The following RNF212B variants were observed in gnomAD, a reference collection of about 807,000 sequenced individuals.
RNF212B encodes ring finger protein 212B, also known as E3 ubiquitin-protein ligase RNF212B.
RNF212B carries 52 observed loss-of-function variants against 55.5 expected under a neutral mutation model. That is an observed-to-expected ratio of 0.94 (90% CI 0.75 to 1.18). The LOEUF is 1.18. Ranked by LOEUF, RNF212B falls within the 50% of genes most tolerant of loss-of-function variation. RNF212B has a pLI of 0.00. For missense variants in RNF212B, 289 were observed against 350.4 expected, an observed-to-expected ratio of 0.82 and a Z score of 1.40; for synonymous variants, 99 against 121.4, an observed-to-expected ratio of 0.82 and a Z score of 1.21.
intron 3 of RNF212B, 138 bp from the exon 4 acceptor site, chr14:23,244,184 G>C: frequency 1.8e-6 from 1 of 545,132 alleles, no homozygotes; most frequent in Non-Finnish European, 3.2e-6. Context: ...ATCTAGAAGA[G>C]TGGAGATCTC....
Position 23,272,914 on chromosome 14 carries a change from T to C in RNF212B, c.*23T>C, listed in dbSNP as rs1886219863. The C allele has an allele frequency of 1.4e-6, 2 of 1,406,074 alleles. No individual in the cohort carries two copies. 87.1% of individuals were successfully genotyped at this position (1,406,074 alleles called of 1,614,324 possible). On this transcript the variant is annotated 3_prime_UTR_variant, in exon 15 of 15. Coordinates refer to ENST00000430154, the MANE Select transcript of RNF212B (RefSeq NM_001282322.3). ...TAGATCATCTTCAAGATCTGATCTA[T>C]ACATGCTGCTGAAGGATGGACTGTA...
At chr14:23,219,684 C>A (rs933295519) in intron 2 of RNF212B, among the ~76,000 whole-genome samples, 4 of 151,932 alleles carry the variant, frequency 2.6e-5, no homozygotes, top group Admixed American at 2.6e-4. Flanking sequence ...GTTGGTCAGG[C>A]TGGTCTCAAA....
At chr14:23,208,756 C>CTTTTTTTTTTTTTTTTTTTTTTTTTTTTT (rs1880112383) in intron 2 of RNF212B, among the ~76,000 whole-genome samples, 1 of 43,004 alleles carries the variant, frequency 2.3e-5, no homozygotes. Flanking sequence ...TGCTGGTTGC[C>CTTTTTTTTTTTTTTTTTTTTTTTTTTTTT]GTTTTTTTTT....
chr14:23,248,429 AC>A (rs1399252876), intron 4 of RNF212B, among the ~76,000 whole-genome samples: 20 of 126,426 alleles, frequency 1.6e-4, no homozygotes, highest in Non-Finnish European at 2.7e-4. Context: ...ACCACGCCCA[AC>A]CCCAAGCCTC....
At chr14:23,257,121 C>T (rs28674982) in intron 4 of RNF212B, among the ~76,000 whole-genome samples, 26,356 of 151,724 alleles carry the variant, frequency 0.17, 3,392 homozygotes, top group African/African-American at 0.37. Flanking sequence ...CCATTGCACT[C>T]CAGCCTGGGC....
intron 2 of RNF212B, among the ~76,000 whole-genome samples, chr14:23,232,352 A>C (rs1882712242): frequency 6.7e-6 from 1 of 149,514 alleles, no homozygotes; most frequent in Non-Finnish European, 1.5e-5. Flanking sequence ...AGAAGTGAGG[A>C]GCCCCTCCAC....
At chr14:23,264,505 T>C (rs1885533720) in intron 10 of RNF212B, 118 bp from the exon 11 acceptor site, 1 of 781,774 alleles carries the variant, frequency 1.3e-6, no homozygotes, top group South Asian at 2.4e-5. Context: ...CTTTGACTAG[T>C]ATGCCCACTG....
intron 4 of RNF212B, among the ~76,000 whole-genome samples, chr14:23,246,134 CTT>C (rs1157017157): frequency 7.7e-5 from 11 of 142,538 alleles, no homozygotes; most frequent in Admixed American, 7.1e-5. Flanking sequence ...GTTTTCTTTT[CTT>C]TTTTTTTTTT....
upstream of RNF212B, among the ~76,000 whole-genome samples, chr14:23,233,197 G>C (rs1018986073): frequency 6.6e-6 from 1 of 152,122 alleles, no homozygotes; most frequent in African/African-American, 2.4e-5. Context: ...TTAAACAGAT[G>C]CTTGAAGGCA....
chr14:23,259,799 A>C, intron 5 of RNF212B, 85 bp from the exon 6 acceptor site: 1 of 640,862 alleles, frequency 1.6e-6, no homozygotes. Context: ...GTAAGTATTA[A>C]CTAGATGTTA....
intron 2 of RNF212B, among the ~76,000 whole-genome samples, chr14:23,217,105 G>A (rs1191552434): frequency 6.6e-6 from 1 of 152,002 alleles, no homozygotes; most frequent in African/African-American, 2.4e-5. Context: ...ACCTGCTATG[G>A]ACCAGAGTGG....
intron 10 of RNF212B, 64 bp from the exon 11 acceptor site, chr14:23,264,559 G>T: frequency 2.7e-6 from 3 of 1,093,410 alleles, no homozygotes; most frequent in Non-Finnish European, 2.4e-6. Flanking sequence ...TAGATAAATA[G>T]GGAATAGGGA....
intron 2 of RNF212B, among the ~76,000 whole-genome samples, chr14:23,222,154 G>A (rs1308636762): frequency 6.6e-6 from 1 of 151,802 alleles, no homozygotes; most frequent in Non-Finnish European, 1.5e-5. Flanking sequence ...AGAAATAAAT[G>A]AATTTGACAT....
At chr14:23,241,722 T>C (rs1466377343) in intron 2 of RNF212B, among the ~76,000 whole-genome samples, 2 of 151,818 alleles carry the variant, frequency 1.3e-5, no homozygotes, top group Non-Finnish European at 2.9e-5. Context: ...TTTTTTTGTT[T>C]TGTTTTGTTT....
intron 4 of RNF212B, among the ~76,000 whole-genome samples, chr14:23,257,171 A>T (rs1294436100): frequency 6.7e-6 from 1 of 149,980 alleles, no homozygotes; most frequent in African/African-American, 2.5e-5. Context: ...AAAAAAAATA[A>T]AATAAAATAA....
At chr14:23,250,547 A>G (rs1884332093) in intron 4 of RNF212B, among the ~76,000 whole-genome samples, 1 of 151,648 alleles carries the variant, frequency 6.6e-6, no homozygotes, top group African/African-American at 2.4e-5. Context: ...TCTTGTAAGT[A>G]CTTGTGTTCT....
chr14:23,228,977 T>C (rs1194241866), intron 2 of RNF212B, among the ~76,000 whole-genome samples: 3 of 152,010 alleles, frequency 2.0e-5, no homozygotes, highest in Non-Finnish European at 2.9e-5. Flanking sequence ...TAATTTTTCA[T>C]AACCACTAAC....
At chr14:23,208,389 T>G (rs1052399791) in intron 2 of RNF212B, among the ~76,000 whole-genome samples, 8 of 152,114 alleles carry the variant, frequency 5.3e-5, no homozygotes, top group African/African-American at 1.4e-4. Flanking sequence ...TCTAGCTACC[T>G]GGAAGATTGG....
intron 4 of RNF212B, among the ~76,000 whole-genome samples, chr14:23,248,327 G>T (rs1463272555): frequency 1.3e-5 from 2 of 150,000 alleles, no homozygotes; most frequent in Admixed American, 1.3e-4. Flanking sequence ...ATAGATACAG[G>T]GTTTTACCAT....
Sources: allele counts gnomAD v4.1 joint callset (sites outside exome capture counted in the v4.1 genomes callset), GRCh38; gene constraint gnomAD v4.1.1; transcripts MANE v1.5; gene names NCBI Gene and HGNC (gene_info 2026-07-23, HGNC 2026-07-21).